TRIM44: variants seen among roughly 807,000 people sequenced by gnomAD.
TRIM44 encodes tripartite motif-containing protein 44.
A neutral mutation model predicts 37.4 loss-of-function variants in TRIM44; 13 were observed. That is an observed-to-expected ratio of 0.35 (90% CI 0.23 to 0.55). The LOEUF is 0.55. Ranked by LOEUF, TRIM44 falls within the 20% of genes least tolerant of loss-of-function variation. TRIM44 has a pLI of 0.89. For synonymous variants in TRIM44, 175 were observed against 157.2 expected, an observed-to-expected ratio of 1.11 and a Z score of -0.85; for missense variants, 426 against 437.2, an observed-to-expected ratio of 0.97 and a Z score of 0.23.
intron 1 of TRIM44, among the ~76,000 whole-genome samples, chr11:35,669,566 C>A (rs1310952059): frequency 6.6e-6 from 1 of 152,072 alleles, no homozygotes; most frequent in African/African-American, 2.4e-5. Context: ...ACCTCCACCT[C>A]CCAGATTCAA....
intron 1 of TRIM44, among the ~76,000 whole-genome samples, chr11:35,670,035 CTGG>C (rs1352000201): frequency 6.6e-6 from 1 of 151,606 alleles, no homozygotes; most frequent in African/African-American, 2.4e-5. Context: ...GTTGGCCAGG[CTGG>C]TCTCGAACTC....
chr11:35,796,182 A>G (rs1028669023), intron 4 of TRIM44, among the ~76,000 whole-genome samples: 2 of 152,142 alleles, frequency 1.3e-5, no homozygotes, highest in African/African-American at 4.8e-5. Flanking sequence ...GGTCATCATC[A>G]TGGGACTCCC....
chr11:35,714,023 A>C (rs1852009068), intron 2 of TRIM44, among the ~76,000 whole-genome samples: 1 of 152,168 alleles, frequency 6.6e-6, no homozygotes, highest in Non-Finnish European at 1.5e-5. Context: ...TGAGGCAAGG[A>C]GCCTCAGTAT....
chr11:35,686,977 T>C (rs748468905), intron 2 of TRIM44, among the ~76,000 whole-genome samples: 1 of 152,218 alleles, frequency 6.6e-6, no homozygotes, highest in Admixed American at 6.5e-5. Flanking sequence ...TAAATACTTT[T>C]AATTATTTAA....
At chr11:35,748,792 A>G (rs532147434) in intron 4 of TRIM44, among the ~76,000 whole-genome samples, 1 of 152,340 alleles carries the variant, frequency 6.6e-6, no homozygotes, top group African/African-American at 2.4e-5. Flanking sequence ...GATTAGCCCT[A>G]TGTCCCAAGC....
At chr11:35,692,458 T>A (rs899259221) in intron 2 of TRIM44, among the ~76,000 whole-genome samples, 3 of 152,166 alleles carry the variant, frequency 2.0e-5, no homozygotes, top group Non-Finnish European at 4.4e-5. Flanking sequence ...AATTTTGGAT[T>A]TTCAAATATT....
At chr11:35,683,525 G>C (rs903521174) in intron 1 of TRIM44, among the ~76,000 whole-genome samples, 4 of 152,122 alleles carry the variant, frequency 2.6e-5, no homozygotes, top group Non-Finnish European at 5.9e-5. Context: ...TGGAAGATAT[G>C]TTATCACAGA....
Position 35,746,795 on chromosome 11 carries a change from A to G in TRIM44, c.1007+11350A>G, listed in dbSNP as rs185370019. Among the ~76,000 whole-genome samples, 27 of 152,332 alleles carry G rather than the reference A, an allele frequency of 1.8e-4. No homozygotes were observed. In the East Asian group the frequency reaches 3.9e-3, roughly 22 times the overall value. On this transcript the variant is annotated intron_variant, in intron 4 of 4. Transcript: ENST00000299413. ...CCTAAACATGAATGGTTGCAGGTTC[A>G]TAAAATAAATGCTTTCTTGTCTATA...
intron 2 of TRIM44, among the ~76,000 whole-genome samples, chr11:35,707,565 A>T (rs1851904283): frequency 6.7e-6 from 1 of 150,076 alleles, no homozygotes. Flanking sequence ...CAAAACAGAG[A>T]TATAGATCAT....
At chr11:35,702,797 C>G (rs377490934) in intron 2 of TRIM44, among the ~76,000 whole-genome samples, 1 of 152,180 alleles carries the variant, frequency 6.6e-6, no homozygotes, top group African/African-American at 2.4e-5. Flanking sequence ...CGAATAGGAA[C>G]AGCTCCAGTC....
Position 35,725,080 on chromosome 11 carries a change from A to T in TRIM44, c.748-844A>T, listed in dbSNP as rs902886776. ...CATGCACACACTCACACACACACACACACACACACACACACACACACACAC... is the reference window on the plus strand; with the variant it reads ...CATGCACACACTCACACACACACACTCACACACACACACACACACACACAC... On this transcript the variant is annotated intron_variant, in intron 2 of 4. Transcript: ENST00000299413. 3.4e-4 allele frequency among the ~76,000 whole-genome samples: 52 copies of T among 151,722 alleles called. 1 individual carries two copies. Among genetic ancestry groups the T allele is most frequent in the African/African-American group, 1.2e-3 (50 of 41,400 alleles).
intron 2 of TRIM44, among the ~76,000 whole-genome samples, chr11:35,701,941 C>A (rs2970323): frequency 0.3 from 45,372 of 152,034 alleles, 7,026 homozygotes; most frequent in Admixed American, 0.41. Flanking sequence ...CCCAGAGAGG[C>A]CCTAGTGACC....
intron 4 of TRIM44, among the ~76,000 whole-genome samples, chr11:35,799,295 A>G (rs1255078590): frequency 6.6e-6 from 1 of 152,244 alleles, no homozygotes; most frequent in African/African-American, 2.4e-5. Flanking sequence ...ATGGAGATCA[A>G]TTCAAACTTG....
At chr11:35,759,237 C>T (rs868005892) in intron 4 of TRIM44, among the ~76,000 whole-genome samples, 3 of 152,158 alleles carry the variant, frequency 2.0e-5, no homozygotes, top group Admixed American at 1.3e-4. Flanking sequence ...CTTCTCGCTT[C>T]ATTTCATTCA....
At chr11:35,678,681 C>T (rs1851491694) in intron 1 of TRIM44, among the ~76,000 whole-genome samples, 1 of 151,970 alleles carries the variant, frequency 6.6e-6, no homozygotes, top group African/African-American at 2.4e-5. Context: ...TGATCTCCGC[C>T]CACTGCAACC....
chr11:35,727,740 G>C (rs1852198344), intron 3 of TRIM44, among the ~76,000 whole-genome samples: 1 of 152,154 alleles, frequency 6.6e-6, no homozygotes, highest in African/African-American at 2.4e-5. Context: ...GTAGAAAATA[G>C]AGCCAGGGTT....
intron 2 of TRIM44, among the ~76,000 whole-genome samples, chr11:35,717,407 G>A (rs1474355570): frequency 6.6e-6 from 1 of 151,912 alleles, no homozygotes; most frequent in Non-Finnish European, 1.5e-5. Flanking sequence ...TTTAAAGTCT[G>A]GTGTCAAAGG....
At chr11:35,798,931 T>C (rs900664605) in intron 4 of TRIM44, among the ~76,000 whole-genome samples, 1 of 152,156 alleles carries the variant, frequency 6.6e-6, no homozygotes, top group African/African-American at 2.4e-5. Context: ...ATAATGGAAT[T>C]TTTTTTCTTT....
intron 4 of TRIM44, among the ~76,000 whole-genome samples, chr11:35,756,634 C>G (rs989457026): frequency 6.6e-6 from 1 of 152,124 alleles, no homozygotes; most frequent in Admixed American, 6.5e-5. Context: ...ATGATATTGG[C>G]TGTGGGTTTG....
Sources: gnomAD v4.1 joint callset for allele counts (sites outside exome capture counted in the v4.1 genomes callset) on GRCh38, gnomAD v4.1.1 for gene constraint, MANE v1.5 for transcripts, NCBI Gene and HGNC (gene_info 2026-07-23, HGNC 2026-07-21) for gene names.